NR6A1: variants seen among roughly 807,000 people sequenced by gnomAD.
NR6A1 encodes retinoic acid receptor-related testis-associated receptor.
NR6A1 carries 7 observed loss-of-function variants against 59.1 expected under a neutral mutation model. The ratio of observed to expected loss-of-function variants is 0.12; its 90% confidence interval spans 0.07 to 0.22. The LOEUF (loss-of-function observed/expected upper bound fraction) is 0.22, where lower values mean the gene tolerates loss of function less well. Ranked by LOEUF, NR6A1 falls within the 10% of genes least tolerant of loss-of-function variation. The pLI is 1.00. For synonymous variants in NR6A1, 243 were observed against 236.1 expected (o/e 1.03, Z -0.27); for missense variants, 468 against 611.6 (o/e 0.77, Z 2.48).
At chr9:124,614,086 G>A (rs1835827541) in intron 2 of NR6A1, among the ~76,000 whole-genome samples, 1 of 152,182 alleles carries the variant, frequency 6.6e-6, no homozygotes, top group Non-Finnish European at 1.5e-5. Context: ...CAGGAAGGGA[G>A]AACCCAGGTA....
intron 2 of NR6A1, among the ~76,000 whole-genome samples, chr9:124,680,791 G>A (rs1838126785): frequency 6.6e-6 from 1 of 152,130 alleles, no homozygotes; most frequent in African/African-American, 2.4e-5. Context: ...ACTCTTCCTG[G>A]GAGTCTGAAA....
intron 2 of NR6A1, among the ~76,000 whole-genome samples, chr9:124,599,803 A>G (rs1835398052): frequency 6.6e-6 from 1 of 152,212 alleles, no homozygotes; most frequent in South Asian, 2.1e-4. Context: ...CATCAGACCA[A>G]TAGAGAAGAA....
At chr9:124,770,694 T>C (rs148922482) in intron 1 of NR6A1, among the ~76,000 whole-genome samples, 4,340 of 52,502 alleles carry the variant, frequency 0.083, 300 homozygotes, top group East Asian at 0.32. Context: ...GGAGGGAGGA[T>C]TGGTGCTGAG....
chr9:124,655,460 A>T (rs1178388358), intron 2 of NR6A1, among the ~76,000 whole-genome samples: 1 of 152,192 alleles, frequency 6.6e-6, no homozygotes, highest in East Asian at 1.9e-4. Context: ...CCCAATACAA[A>T]TTATTATTTA....
intron 2 of NR6A1, chr9:124,595,658 G>A (rs1835251439): frequency 1.8e-6 from 1 of 553,764 alleles, no homozygotes; most frequent in Admixed American, 2.4e-5. Flanking sequence ...AGTTGCCTGT[G>A]GACTGCCTCC....
intron 2 of NR6A1, chr9:124,595,834 C>G: frequency 7.8e-7 from 1 of 1,289,376 alleles, no homozygotes; most frequent in Non-Finnish European, 1.0e-6. Flanking sequence ...CAGGACAAGT[C>G]CAGCTTGATG....
intron 2 of NR6A1, among the ~76,000 whole-genome samples, chr9:124,646,607 G>T (rs1836937397): frequency 6.6e-6 from 1 of 152,180 alleles, no homozygotes. Context: ...GGAAGAATAA[G>T]TGTCTTAGGC....
At chr9:124,632,899 CTGGATAATGAGAAAGT>C (rs1836488804) in intron 2 of NR6A1, among the ~76,000 whole-genome samples, 1 of 152,162 alleles carries the variant, frequency 6.6e-6, no homozygotes, top group South Asian at 2.1e-4. Context: ...GTTTTCCCAT[CTGGATAATGAGAAAGT>C]TGTGGGAGAC....
chr9:124,578,778 A>G (rs1834678228), intron 2 of NR6A1, among the ~76,000 whole-genome samples: 2 of 152,358 alleles, frequency 1.3e-5, no homozygotes, highest in South Asian at 4.1e-4. Context: ...CCTAGGGCCT[A>G]CATATAGCCC....
chr9:124,618,021 A>G (rs1835950513), intron 2 of NR6A1, among the ~76,000 whole-genome samples: 1 of 152,238 alleles, frequency 6.6e-6, no homozygotes, highest in Non-Finnish European at 1.5e-5. Context: ...TAAACAGGCG[A>G]TGCATTATGC....
At chr9:124,538,057 A>G in intron 6 of NR6A1, 35 bp downstream of exon 6, 1 of 1,557,068 alleles carries the variant, frequency 6.4e-7, no homozygotes, top group Non-Finnish European at 8.7e-7. Flanking sequence ...ACACTTTGAG[A>G]CTGCAAGGGG....
intron 2 of NR6A1, among the ~76,000 whole-genome samples, chr9:124,573,475 C>T (rs4590537): frequency 0.44 from 67,271 of 152,068 alleles, 16,119 homozygotes; most frequent in Admixed American, 0.61. Context: ...CTCTCTGAGG[C>T]CCCATGGGAC....
intron 3 of NR6A1, among the ~76,000 whole-genome samples, chr9:124,549,997 G>C (rs1288646062): frequency 2.0e-5 from 3 of 152,204 alleles, no homozygotes; most frequent in South Asian, 2.1e-4. Context: ...TTGTGACTTT[G>C]ACACTTTTCA....
At chr9:124,653,281 T>A (rs1837155814) in intron 2 of NR6A1, among the ~76,000 whole-genome samples, 1 of 152,172 alleles carries the variant, frequency 6.6e-6, no homozygotes, top group Non-Finnish European at 1.5e-5. Context: ...TAACTTTTTT[T>A]TTTTTTTAGT....
chr9:124,654,955 C>T (rs1325834627), intron 2 of NR6A1, among the ~76,000 whole-genome samples: 1 of 148,652 alleles, frequency 6.7e-6, no homozygotes, highest in African/African-American at 2.5e-5. Context: ...GCATCCATTC[C>T]AGGGCCACAT....
chr9:124,622,608 T>C (rs1836109065), intron 2 of NR6A1, among the ~76,000 whole-genome samples: 2 of 152,210 alleles, frequency 1.3e-5, no homozygotes, highest in Non-Finnish European at 1.5e-5. Flanking sequence ...TGAACCACTA[T>C]AACGTATTTG....
At chr9:124,696,251 G>C (rs1393993937) in intron 2 of NR6A1, among the ~76,000 whole-genome samples, 1 of 152,146 alleles carries the variant, frequency 6.6e-6, no homozygotes, top group Non-Finnish European at 1.5e-5. Flanking sequence ...TCACTAAGCA[G>C]ATGAAGTGAG....
At chr9:124,568,955 T>C (rs1467666609) in intron 2 of NR6A1, among the ~76,000 whole-genome samples, 2 of 151,448 alleles carry the variant, frequency 1.3e-5, no homozygotes, top group African/African-American at 4.9e-5. Flanking sequence ...CTACTGAAAA[T>C]ACAAAAAATT....
intron 2 of NR6A1, among the ~76,000 whole-genome samples, chr9:124,643,652 C>T (rs1442121195): frequency 6.8e-6 from 1 of 146,806 alleles, no homozygotes; most frequent in Non-Finnish European, 1.5e-5. Flanking sequence ...TAAGTTCTAG[C>T]TACTTAGGAG....
Sources: gnomAD v4.1 joint callset for allele counts (sites outside exome capture counted in the v4.1 genomes callset) on GRCh38, gnomAD v4.1.1 for gene constraint, MANE v1.5 for transcripts, NCBI Gene and HGNC (gene_info 2026-07-23, HGNC 2026-07-21) for gene names.